Variants in MAST1 observed in about 807,000 individuals in gnomAD.
MAST1 encodes the protein microtubule-associated serine/threonine-protein kinase 1.
In MAST1, 40 loss-of-function variants were observed where a neutral mutation model predicts 124.6. That is an observed-to-expected ratio of 0.32 (90% CI 0.25 to 0.42). The LOEUF is 0.42. MAST1 is among the 10% of genes least tolerant of loss of function. The probability of loss-of-function intolerance (pLI) is 1.00; values close to 1 mark genes in which losing one functional copy is unlikely to be tolerated. For missense variants in MAST1, 1,558 were observed against 2,181.9 expected, an observed-to-expected ratio of 0.71 and a Z score of 5.70; for synonymous variants, 938 against 939.4, an observed-to-expected ratio of 1.00 and a Z score of 0.03.
In MAST1 at chr19:12,869,163, C is replaced by T; in HGVS notation, c.2871C>T (p.Tyr957=). 6.2e-7 allele frequency: 1 copy of T among 1,614,234 alleles called. No homozygotes were observed. The highest frequency in any genetic ancestry group is 1.1e-5 in the South Asian group (1 of 91,090). Reference sequence around the variant, plus strand: ...GGGACTCCTCACCCAGCCGGGACTACTCACCAGCTGTCAGTGGGCTCCGCT... The same window carrying T: ...GGGACTCCTCACCCAGCCGGGACTATTCACCAGCTGTCAGTGGGCTCCGCT... ...SSRDSSPSRD[Y]SPAVSGLRSP... Residue 957 remains tyrosine, a synonymous_variant, in exon 22 of 26, where the codon TAC becomes TAT. Coordinates refer to ENST00000251472, the MANE Select transcript of MAST1 (RefSeq NM_014975.3).
rs376339898 is a variant in MAST1, at chr19:12,847,378, G to A, written c.416G>A (p.Ser139Asn). The A allele has an allele frequency of 1.9e-6, 3 of 1,613,688 alleles. No homozygotes were observed. Among genetic ancestry groups the A allele is most frequent in the Non-Finnish European group, 2.5e-6 (3 of 1,179,970 alleles). The stretch of plus-strand genomic sequence containing the variant: ...CACTTCCTCTCCAAACACTTCGGGA[G>A]CACCGAGAGCATCACAGACGAGGAT... ...ELHFLSKHFG[S>N]TESITDEDGG... Residue 139 changes from serine (S) to asparagine (N), a missense_variant, in exon 5 of 26, where the codon AGC becomes AAC. This residue lies in a region of MAST1 where 165 missense variants were observed against 315.3 expected (regional missense o/e 0.52). Transcript: ENST00000251472. This position sits in a 1 kb window ranked among gnomAD's most constrained non-coding sequence, Gnocchi z 5.5.
chr19:12,862,901 A>G (rs960074235), intron 12 of MAST1, among the ~76,000 whole-genome samples: 1 of 151,810 alleles, frequency 6.6e-6, no homozygotes, highest in Non-Finnish European at 1.5e-5. Flanking sequence ...TCCCAACCTC[A>G]GGTGATGTGC....
In MAST1 at chr19:12,870,965, G is replaced by A; in HGVS notation, c.3126+19G>A. ...CCTTAAGGTGAGTGCAGGGAAGGAG[G>A]CACCCTGGGCGGAGGGTGGGGGAGG... is the stretch of plus-strand genomic sequence containing the variant. On this transcript the variant is annotated intron_variant, in intron 23 of 25. Coordinates refer to ENST00000251472, the MANE Select transcript of MAST1 (RefSeq NM_014975.3). 1 of 1,613,442 alleles carries A rather than the reference G, an allele frequency of 6.2e-7. No homozygotes were observed. The highest frequency in any genetic ancestry group is 8.5e-7 in the Non-Finnish European group (1 of 1,179,588).
In MAST1 at chr19:12,838,863, G is replaced by A. The variant is rs1384507107; in HGVS notation, c.83+208G>A. ...CTTGCACGCTGGAGAGGACGGCCGC[G>A]GGGGGAGGGGGCTGCGCCACTGGGG... On this transcript the variant is annotated intron_variant, in intron 1 of 25. Transcript: ENST00000251472. The surrounding 1 kb of genome is among the most constrained non-coding windows in gnomAD (Gnocchi z 4.3). Among the ~76,000 whole-genome samples, 1 of 151,766 alleles carries A rather than the reference G, an allele frequency of 6.6e-6. No homozygotes were observed. Among genetic ancestry groups the A allele is most frequent in the East Asian group, 1.9e-4 (1 of 5,138 alleles).
At chr19:12,844,436 G>C (rs896429698) in intron 4 of MAST1, among the ~76,000 whole-genome samples, 5 of 152,216 alleles carry the variant, frequency 3.3e-5, no homozygotes, top group Non-Finnish European at 5.9e-5. Flanking sequence ...CAGCCCTCAT[G>C]GGGGAAGACA....
chr19:12,862,658 C>CTTT (rs750956121), intron 12 of MAST1, among the ~76,000 whole-genome samples: 1 of 135,908 alleles, frequency 7.4e-6, no homozygotes, highest in Non-Finnish European at 1.6e-5. Context: ...TTTTCTTTTC[C>CTTT]TTTTTTTTTT....
chr19:12,839,858 AGCCACT>A (rs1203876726), intron 1 of MAST1, among the ~76,000 whole-genome samples: 1 of 152,144 alleles, frequency 6.6e-6, no homozygotes, highest in Non-Finnish European at 1.5e-5. Flanking sequence ...GGCTGCAGTG[AGCCACT>A]GCACACTGCA....
At chr19:12,870,791 T>A (rs1312009948) in intron 22 of MAST1, 33 bp from the exon 23 acceptor site, 1 of 1,565,060 alleles carries the variant, frequency 6.4e-7, no homozygotes, top group Admixed American at 1.9e-5. Flanking sequence ...CCAATCCCAC[T>A]AACCCTGTCC....
Position 12,841,968 on chromosome 19 carries a change from A to G in MAST1, c.248+902A>G, listed in dbSNP as rs1343146871. On this transcript the variant is annotated intron_variant, in intron 3 of 25. Coordinates refer to ENST00000251472, the MANE Select transcript of MAST1 (RefSeq NM_014975.3). This position sits in a 1 kb window ranked among gnomAD's most constrained non-coding sequence, Gnocchi z 4.3. ...CAAGCGGGGAGGACTGAGCGAGGGG[A>G]CTGCTGGGAGGAAGAAGGAAGGGAG... Among the ~76,000 whole-genome samples the G allele has an allele frequency of 6.6e-6, 1 of 152,124 alleles. No individual in the cohort carries two copies. The highest frequency in any genetic ancestry group is 1.5e-5 in the Non-Finnish European group (1 of 68,020).
intron 4 of MAST1, among the ~76,000 whole-genome samples, chr19:12,846,203 C>G (rs1468212094): frequency 6.6e-6 from 1 of 152,046 alleles, no homozygotes; most frequent in Non-Finnish European, 1.5e-5. Context: ...CCGTGTCTCT[C>G]TCTCTTTTTA....
rs1006943639 is a variant in MAST1 at position 12,841,964 on chromosome 19, G to A, written c.248+898G>A. On this transcript the variant is annotated intron_variant, in intron 3 of 25. Coordinates refer to ENST00000251472, the MANE Select transcript of MAST1 (RefSeq NM_014975.3). The surrounding 1 kb of genome is among the most constrained non-coding windows in gnomAD (Gnocchi z 4.3). ...TCCGCAAGCGGGGAGGACTGAGCGA[G>A]GGGACTGCTGGGAGGAAGAAGGAAG... Among the ~76,000 whole-genome samples, 8 of 152,302 alleles carry A rather than the reference G, an allele frequency of 5.3e-5. No homozygotes were observed. Among genetic ancestry groups the A allele is most frequent in the Non-Finnish European group, 1.2e-4 (8 of 68,024 alleles).
chr19:12,850,577 A>G (rs1299329573), intron 7 of MAST1, among the ~76,000 whole-genome samples: 1 of 152,236 alleles, frequency 6.6e-6, no homozygotes, highest in Non-Finnish European at 1.5e-5. Context: ...AATGAAAGCA[A>G]ACTCATCAAT....
At chr19:12,845,015 A>C (rs943619423) in intron 4 of MAST1, among the ~76,000 whole-genome samples, 1 of 152,150 alleles carries the variant, frequency 6.6e-6, no homozygotes, top group African/African-American at 2.4e-5. Context: ...TAAAAATATC[A>C]TTCTGGCCGG....
chr19:12,849,666 AAAAAATAAAAAT>A (rs1385675907), intron 7 of MAST1, among the ~76,000 whole-genome samples: 3 of 152,048 alleles, frequency 2.0e-5, no homozygotes, highest in Non-Finnish European at 2.9e-5. Flanking sequence ...TCTGTCTCAA[AAAAAATAAAAAT>A]AAAAATAAAA....
At chr19:12,869,336 G>T in intron 22 of MAST1, 41 bp downstream of exon 22, 5 of 1,556,866 alleles carry the variant, frequency 3.2e-6, no homozygotes, top group Non-Finnish European at 4.4e-6. Flanking sequence ...AGAGTGGAGG[G>T]TGGTGGGGAA....
rs974257251 is a variant in MAST1, at chr19:12,841,555, A to T, written c.248+489A>T. Among the ~76,000 whole-genome samples the T allele has an allele frequency of 6.6e-6, 1 of 152,130 alleles. No individual in the cohort carries two copies. The highest frequency in any genetic ancestry group is 2.1e-4 in the South Asian group (1 of 4,830). On this transcript the variant is annotated intron_variant, in intron 3 of 25. Transcript: ENST00000251472. The surrounding 1 kb of genome is among the most constrained non-coding windows in gnomAD (Gnocchi z 4.3). The stretch of plus-strand genomic sequence containing the variant: ...TGGGGTGTCCTTAAATGAATTTTCT[A>T]TGGGCCTTTGGTGAAACTGGGGGAG...
rs376682743 is a variant in MAST1 at position 12,866,634 on chromosome 19, G to A, written c.2030-19G>A. 13 of 1,560,282 alleles carry A rather than the reference G, an allele frequency of 8.3e-6. 1 individual carries two copies. The African/African-American group carries it at 1.6e-4, about 20-fold the overall frequency. ...GAGGAACCCCGTACCCTCAGTCACA[G>A]CCCATACCCGCTCCCCAGCCCGCTC... On this transcript the variant is annotated intron_variant, in intron 17 of 25. Coordinates refer to ENST00000251472, the MANE Select transcript of MAST1 (RefSeq NM_014975.3). This position sits in a 1 kb window ranked among gnomAD's most constrained non-coding sequence, Gnocchi z 5.2.
Position 12,869,286 on chromosome 19 carries a change from C to T in MAST1, c.2994C>T (p.His998=), listed in dbSNP as rs772630099. 6.2e-7 allele frequency: 1 copy of T among 1,613,384 alleles called. No homozygotes were observed. The highest frequency in any genetic ancestry group is 1.7e-5 in the Admixed American group (1 of 59,944). Residue 998 remains histidine (H), a synonymous_variant, in exon 22 of 26, where the codon CAC becomes CAT. Transcript: ENST00000251472. Reference sequence around the variant, plus strand: ...ACACGGATGTCTATAGTGTCCACCACATTGTCTGGGTGAGTACTCATGGGT... The same window carrying T: ...ACACGGATGTCTATAGTGTCCACCATATTGTCTGGGTGAGTACTCATGGGT... The part of the protein sequence containing the change: ...MGDTDVYSVH[H]IVWHVEEGGP...
intron 12 of MAST1, among the ~76,000 whole-genome samples, chr19:12,862,341 G>T (rs1444687724): frequency 6.6e-6 from 1 of 152,120 alleles, no homozygotes; most frequent in Admixed American, 6.6e-5. Flanking sequence ...GTCCAGGCTG[G>T]AGTGCAGTGG....
Sources: gnomAD v4.1 joint callset for allele counts (sites outside exome capture counted in the v4.1 genomes callset) on GRCh38, gnomAD v4.1.1 for gene constraint, gnomAD v4.1.1 regional missense constraint, Gnocchi (gnomAD v3.1) non-coding constraint, MANE v1.5 for transcripts, NCBI Gene and HGNC (gene_info 2026-07-23, HGNC 2026-07-21) for gene names.